Variants in SLC14A2 observed in about 807,000 individuals in gnomAD.
SLC14A2 encodes the protein solute carrier family 14 member 2.
Under a neutral mutation model 104.6 loss-of-function variants are expected in SLC14A2, and 91 were observed. The ratio of observed to expected loss-of-function variants is 0.87; its 90% CI spans 0.73 to 1.04. The LOEUF is 1.04. Among genes scored for constraint, SLC14A2 ranks in the 50% least tolerant of loss-of-function variants. SLC14A2 has a pLI of 0.00. For synonymous variants in SLC14A2, 476 were observed against 466.4 expected, an observed-to-expected ratio of 1.02 and a Z score of -0.27; for missense variants, 1,189 against 1,156.0, an observed-to-expected ratio of 1.03 and a Z score of -0.41.
At chr18:45,439,863 T>A (rs949126623) in intron 1 of SLC14A2, among the ~76,000 whole-genome samples, 2 of 152,214 alleles carry the variant, frequency 1.3e-5, no homozygotes, top group African/African-American at 4.8e-5. Flanking sequence ...AAGTCTTCCC[T>A]CAGGCTCTAC....
At position 45,625,815 on chromosome 18, in the gene SLC14A2, G is replaced by A; in HGVS notation, c.283G>A (p.Val95Met). The A allele has an allele frequency of 6.6e-7, 1 of 1,520,092 alleles. No homozygotes were observed. Among genetic ancestry groups the A allele is most frequent in the Non-Finnish European group, 8.8e-7 (1 of 1,138,942 alleles). The allele number at this position is 1,520,092 out of a possible 1,614,324, so 94.2% of individuals were successfully genotyped here. ...AAGGTGCATCTGCCTCTCCAAAGCA[G>A]TGGGCTACCTCACGGGCGACATGAA... ...GQRCICLSKAVGYLTGDMKEY... is the reference protein window; with the variant it reads ...GQRCICLSKAMGYLTGDMKEY... Residue 95 changes from valine to methionine, a missense_variant, in exon 3 of 20, where the codon GTG (valine) becomes ATG (methionine). Physicochemically the swap from Val to Met is conservative, Grantham distance 21. Coordinates refer to ENST00000255226, the MANE Select transcript of SLC14A2 (RefSeq NM_007163.4).
chr18:45,673,740 G>C lies in SLC14A2; in HGVS notation c.2435G>C (p.Ser812Thr). The C allele has an allele frequency of 1.2e-6, 2 of 1,614,098 alleles. No individual in the cohort carries two copies. The highest frequency in any genetic ancestry group is 1.7e-6 in the Non-Finnish European group (2 of 1,179,998). ...SIYFGLCGFN[S>T]TLACIAIGGM... is the part of the protein sequence containing the mutation. ...TACTTCGGCCTGTGTGGCTTCAACA[G>C]CACCCTCGCATGCATAGCGATAGGA... The change falls in exon 18 of 20, where the codon AGC (serine) becomes ACC (threonine). Residue 812 changes from serine (S) to threonine (T), a missense_variant. Physicochemically the swap from Ser to Thr is moderately conservative, Grantham distance 58. Transcript: ENST00000255226.
intron 1 of SLC14A2, among the ~76,000 whole-genome samples, chr18:45,394,194 A>T (rs1415316660): frequency 6.6e-6 from 1 of 152,184 alleles, no homozygotes; most frequent in East Asian, 1.9e-4. Context: ...AATTCTTTCA[A>T]TCCTCACCTC....
intron 2 of SLC14A2, among the ~76,000 whole-genome samples, chr18:45,524,889 G>C (rs753853907): frequency 5.3e-5 from 8 of 152,186 alleles, no homozygotes; most frequent in Non-Finnish European, 1.2e-4. Flanking sequence ...TTGAAGGAAA[G>C]TTTTCTCCCA....
rs546926110 is a variant in SLC14A2, at chr18:45,374,073, A to T, written c.-124-109160A>T. ...AAGACCTTCTCATTTTAGTCCTCTT[A>T]AGATCCTGTTGCTTTCTTCCCTCTC... On this transcript the variant is annotated intron_variant, in intron 1 of 20. Coordinates refer to the SLC14A2 transcript ENST00000586448. Among the ~76,000 whole-genome samples the T allele has an allele frequency of 2.0e-5, 3 of 152,278 alleles. No individual in the cohort carries two copies. In the South Asian group the frequency reaches 6.2e-4, roughly 32 times the overall value.
At chr18:45,363,405 G>A (rs1053616022) in intron 1 of SLC14A2, among the ~76,000 whole-genome samples, 6 of 152,142 alleles carry the variant, frequency 3.9e-5, no homozygotes, top group Non-Finnish European at 4.4e-5. Context: ...GTAGGTCTGT[G>A]AAAGGAGGGA....
chr18:45,407,701 C>T (rs529943319), intron 1 of SLC14A2, among the ~76,000 whole-genome samples: 3 of 152,218 alleles, frequency 2.0e-5, no homozygotes, highest in African/African-American at 7.2e-5. Flanking sequence ...TTGTAGGGTC[C>T]TTAATTGGCC....
intron 1 of SLC14A2, among the ~76,000 whole-genome samples, chr18:45,260,942 G>T (rs1165129674): frequency 6.6e-6 from 1 of 152,010 alleles, no homozygotes; most frequent in Non-Finnish European, 1.5e-5. Flanking sequence ...TCAGCATCGT[G>T]CAATATACCC....
intron 10 of SLC14A2, among the ~76,000 whole-genome samples, chr18:45,653,610 A>G (rs1273901098): frequency 5.3e-4 from 81 of 152,200 alleles, no homozygotes; most frequent in Non-Finnish European, 4.4e-5. Context: ...GGGACTTGCA[A>G]TGGCCAGCTC....
At chr18:45,345,372 A>G (rs893704715) in intron 1 of SLC14A2, among the ~76,000 whole-genome samples, 2 of 152,234 alleles carry the variant, frequency 1.3e-5, no homozygotes, top group Admixed American at 1.3e-4. Flanking sequence ...TTTTAAAGGC[A>G]GAGTCCCTTT....
intron 17 of SLC14A2, 90 bp downstream of exon 17, chr18:45,673,137 C>A: frequency 8.5e-7 from 1 of 1,169,890 alleles, no homozygotes. Context: ...CAACACTCCA[C>A]CTGCTGATTC....
At chr18:45,575,364 G>A (rs2044405005) in intron 2 of SLC14A2, among the ~76,000 whole-genome samples, 1 of 152,156 alleles carries the variant, frequency 6.6e-6, no homozygotes, top group South Asian at 2.1e-4. Context: ...AATCAAAGCT[G>A]CCAGCCTGGG....
At chr18:45,466,931 C>T (rs1228186554) in intron 1 of SLC14A2, among the ~76,000 whole-genome samples, 1 of 152,022 alleles carries the variant, frequency 6.6e-6, no homozygotes, top group East Asian at 1.9e-4. Flanking sequence ...GTAGAGAACC[C>T]TTCTCCCGCG....
chr18:45,547,864 G>A (rs2542985), intron 2 of SLC14A2, among the ~76,000 whole-genome samples: 5,335 of 152,288 alleles, frequency 0.035, 307 homozygotes, highest in African/African-American at 0.12. Context: ...ACAGCAGACA[G>A]ATAATGAGAA....
At chr18:45,459,491 C>T (rs550391079) in intron 1 of SLC14A2, among the ~76,000 whole-genome samples, 1 of 152,234 alleles carries the variant, frequency 6.6e-6, no homozygotes, top group East Asian at 1.9e-4. Flanking sequence ...TGTGTCTTCT[C>T]TGCCTCAAAG....
intron 1 of SLC14A2, among the ~76,000 whole-genome samples, chr18:45,285,610 G>A (rs2084805184): frequency 6.6e-6 from 1 of 151,076 alleles, no homozygotes; most frequent in African/African-American, 2.4e-5. Flanking sequence ...CAGAGATGAG[G>A]TTTCCTCATA....
chr18:45,171,224 A>G, the SLC14A2 span, among the ~76,000 whole-genome samples: 2 of 152,152 alleles, frequency 1.3e-5, no homozygotes, highest in African/African-American at 4.8e-5. Flanking sequence ...CTGAAATTCA[A>G]ATGTAAGTGG....
At chr18:45,264,242 A>G (rs1014921484) in intron 1 of SLC14A2, among the ~76,000 whole-genome samples, 13 of 151,990 alleles carry the variant, frequency 8.6e-5, no homozygotes, top group Non-Finnish European at 1.8e-4. Flanking sequence ...TTTATTGCTC[A>G]TTATTTATTT....
At chr18:45,632,601 G>A in intron 5 of SLC14A2, 123 bp downstream of exon 5, 1 of 1,034,048 alleles carries the variant, frequency 9.7e-7, no homozygotes, top group Admixed American at 2.4e-5. Context: ...AAGTTAGCTT[G>A]TCTGACACCA....
Sources: gnomAD v4.1 joint callset for allele counts (sites outside exome capture counted in the v4.1 genomes callset) on GRCh38, gnomAD v4.1.1 for gene constraint, MANE v1.5 for transcripts, NCBI Gene and HGNC (gene_info 2026-07-23, HGNC 2026-07-21) for gene names.